Variants in ANK1 observed in about 807,000 individuals in gnomAD.
The protein encoded by ANK1 is ankyrin-1.
In ANK1, 51 loss-of-function variants were observed where a neutral mutation model predicts 210.4. That is an observed-to-expected ratio of 0.24 (90% confidence interval 0.19 to 0.31). The LOEUF (loss-of-function observed/expected upper bound fraction) is 0.31, where lower values mean the gene tolerates loss of function less well. Ranked by LOEUF, ANK1 falls within the 10% of genes least tolerant of loss-of-function variation. The pLI, the probability that ANK1 is intolerant of heterozygous loss-of-function variation, is 1.00. For missense variants in ANK1, 2,051 were observed against 2,504.4 expected (o/e 0.82, Z 3.86); for synonymous variants, 967 against 1,025.9 (o/e 0.94, Z 1.10).
chr8:41,658,809 C>G (rs1806685354), intron 42 of ANK1, among the ~76,000 whole-genome samples: 1 of 152,196 alleles, frequency 6.6e-6, no homozygotes, highest in Non-Finnish European at 1.5e-5. Flanking sequence ...AGGAAGATCA[C>G]TTGAACCCGG....
chr8:41,862,919 G>A (rs1813572407), intron 1 of ANK1, among the ~76,000 whole-genome samples: 1 of 152,168 alleles, frequency 6.6e-6, no homozygotes, highest in Non-Finnish European at 1.5e-5. Flanking sequence ...GGCTGAGGTA[G>A]GAGGATTGCT....
rs139363110 is a variant in ANK1 at position 41,853,658 on chromosome 8, C to A, written c.126+42697G>T. Among the ~76,000 whole-genome samples the A allele has an allele frequency of 2.9e-3, 449 of 152,272 alleles. 3 individuals are homozygous for A. The highest frequency in any genetic ancestry group is 0.011 in the African/African-American group (440 of 41,564). On this transcript the variant is annotated intron_variant, in intron 1 of 42. Coordinates refer to the ANK1 transcript ENST00000265709. ...TCTAAATTCAATCTCTTGGTCCCTA[C>A]CCCCACCGCCTTATAACAGATACCT...
At chr8:41,728,837 C>T (rs1024994244) in intron 3 of ANK1, among the ~76,000 whole-genome samples, 1 of 152,262 alleles carries the variant, frequency 6.6e-6, no homozygotes, top group Non-Finnish European at 1.5e-5. Flanking sequence ...GCAGACAGCG[C>T]GTTGGCGTCC....
intron 1 of ANK1, among the ~76,000 whole-genome samples, chr8:41,825,827 A>G (rs1207592845): frequency 6.6e-6 from 1 of 151,918 alleles, no homozygotes; most frequent in Non-Finnish European, 1.5e-5. Flanking sequence ...TATAAAGGGG[A>G]GTTCCCCTGC....
intron 1 of ANK1, among the ~76,000 whole-genome samples, chr8:41,885,157 G>A (rs749617341): frequency 2.6e-5 from 4 of 152,202 alleles, no homozygotes; most frequent in Admixed American, 1.3e-4. Flanking sequence ...TCCAGCAGCA[G>A]TGAGGATGGT....
intron 1 of ANK1, among the ~76,000 whole-genome samples, chr8:41,773,966 G>A (rs144913821): frequency 2.8e-4 from 42 of 152,314 alleles, no homozygotes; most frequent in African/African-American, 9.4e-4. Context: ...CAGATGAAGC[G>A]AACAGAATGT....
In ANK1 at chr8:41,776,629, T is replaced by C. The variant is rs183019058; in HGVS notation, c.28-18492A>G. ...TGTGAAACCCACTTCTTCGCCTTCA[T>C]TGGGGCCCTGCTGATAAGGGGTGGC... On this transcript the variant is annotated intron_variant, in intron 1 of 42. Coordinates refer to ENST00000289734, the MANE Select transcript of ANK1 (RefSeq NM_000037.4). 1.9e-3 allele frequency among the ~76,000 whole-genome samples: 288 copies of C among 152,270 alleles called. 1 individual carries two copies. The highest frequency in any genetic ancestry group is 3.3e-3 in the South Asian group (16 of 4,808).
intron 1 of ANK1, among the ~76,000 whole-genome samples, chr8:41,795,176 C>T (rs1315296805): frequency 1.3e-5 from 2 of 152,312 alleles, no homozygotes; most frequent in East Asian, 1.9e-4. Flanking sequence ...TGCAGAGACA[C>T]TGGCAGAACC....
chr8:41,682,475 T>C (rs905473103), intron 37 of ANK1, among the ~76,000 whole-genome samples: 2 of 152,264 alleles, frequency 1.3e-5, no homozygotes, highest in African/African-American at 4.8e-5. Context: ...TTTTGTCTGG[T>C]TGAGAACAGG....
In ANK1 at chr8:41,704,396, G is replaced by A; in HGVS notation, c.2174C>T (p.Ala725Val). Residue 725 changes from alanine to valine, a missense_variant, in exon 19 of 43, where the codon GCA becomes GTA. By Grantham distance (64) the Ala-to-Val change is moderately conservative. Coordinates refer to ENST00000289734, the MANE Select transcript of ANK1 (RefSeq NM_000037.4). This position sits in a 1 kb window ranked among gnomAD's most constrained non-coding sequence, Gnocchi z 4.1. ...TACCTTGGTCTTGGCATTGACATCT[G>A]CCTGGTGCTGCAGCAGAAACTTCAC... The part of the protein sequence containing the change: ...KLVKFLLQHQ[A>V]DVNAKTKLGY... 1 of 1,614,144 alleles carries A rather than the reference G, an allele frequency of 6.2e-7. No individual in the cohort carries two copies. The highest frequency in any genetic ancestry group is 8.5e-7 in the Non-Finnish European group (1 of 1,180,020).
intron 1 of ANK1, among the ~76,000 whole-genome samples, chr8:41,805,053 T>G (rs552746865): frequency 7.0e-6 from 1 of 143,358 alleles, no homozygotes; most frequent in Non-Finnish European, 1.5e-5. Context: ...GAGCTGTTTC[T>G]TTCTTTCTCT....
chr8:41,697,953 T>A, intron 24 of ANK1, 90 bp downstream of exon 24: 2 of 1,193,688 alleles, frequency 1.7e-6, no homozygotes, highest in Non-Finnish European at 2.5e-6. Flanking sequence ...TAGTGCCTAT[T>A]GTGCTACGTA....
intron 42 of ANK1, chr8:41,661,010 A>G (rs1195435975): frequency 1.1e-5 from 3 of 283,388 alleles, no homozygotes; most frequent in Admixed American, 5.1e-5. Context: ...GAGTGCTTTT[A>G]CTTTTCAAAG....
intron 38 of ANK1, among the ~76,000 whole-genome samples, chr8:41,671,463 C>T (rs964337546): frequency 6.6e-6 from 1 of 152,144 alleles, no homozygotes; most frequent in African/African-American, 2.4e-5. Context: ...ACGGTCTTCC[C>T]CAGCCTCATG....
intron 20 of ANK1, among the ~76,000 whole-genome samples, chr8:41,702,986 A>AT (rs566591083): frequency 0.078 from 11,571 of 147,864 alleles, 541 homozygotes; most frequent in African/African-American, 0.13. Flanking sequence ...CACTCAGCTA[A>AT]TTTTTTTTTT....
At chr8:41,690,805 G>A (rs1819074562) in intron 31 of ANK1, among the ~76,000 whole-genome samples, 1 of 152,258 alleles carries the variant, frequency 6.6e-6, no homozygotes, top group South Asian at 2.1e-4. Flanking sequence ...GACTTCAACA[G>A]ATTTTGTAAT....
At chr8:41,667,487 A>C (rs1810945150) in intron 39 of ANK1, among the ~76,000 whole-genome samples, 1 of 152,210 alleles carries the variant, frequency 6.6e-6, no homozygotes, top group African/African-American at 2.4e-5. Context: ...GATGGCCAGG[A>C]TATGCTTCCA....
At chr8:41,740,903 G>A (rs1052522054) in intron 2 of ANK1, among the ~76,000 whole-genome samples, 1 of 152,220 alleles carries the variant, frequency 6.6e-6, no homozygotes, top group African/African-American at 2.4e-5. Context: ...GGATTAACAG[G>A]CCTGCTCTTA....
At chr8:41,690,152 G>T (rs1818861522) in intron 33 of ANK1, 75 bp downstream of exon 33, 2 of 1,605,026 alleles carry the variant, frequency 1.2e-6, no homozygotes, top group Admixed American at 3.3e-5. Flanking sequence ...GGAAGTGCTG[G>T]ACCTGGGGTC....
Sources: allele counts gnomAD v4.1 joint callset (sites outside exome capture counted in the v4.1 genomes callset), GRCh38; gene constraint gnomAD v4.1.1; non-coding constraint Gnocchi (gnomAD v3.1); transcripts MANE v1.5; gene names NCBI Gene and HGNC (gene_info 2026-07-23, HGNC 2026-07-21).